The following OSR1 variants were observed in gnomAD, a reference collection of about 807,000 sequenced individuals.
The protein encoded by OSR1 is protein odd-skipped-related 1.
A neutral mutation model predicts 15.7 loss-of-function variants in OSR1; 3 were observed. The observed-to-expected ratio is 0.19, with a 90% CI of 0.09 to 0.50. OSR1 has a LOEUF of 0.50. OSR1 is among the 20% of genes least tolerant of loss of function. OSR1 has a pLI of 0.97. For synonymous variants in OSR1, 166 were observed against 152.7 expected (o/e 1.09, Z -0.64); for missense variants, 271 against 351.1 (o/e 0.77, Z 1.82).
chr2:19,350,819 T>G (rs45461092), downstream of OSR1, among the ~76,000 whole-genome samples: 3,808 of 152,306 alleles, frequency 0.025, 78 homozygotes, highest in South Asian at 0.14. Context: ...CCACCATTCC[T>G]GACAAGGCTT....
In OSR1 at chr2:19,358,440, G is replaced by T. The variant is rs1664996032; in HGVS notation, c.-132C>A. ...CCTGGAGCCCACAGGCGCCCCTGGA[G>T]CTCTAGTGTCCCGACTCCTCTCCTG... On this transcript the variant is annotated 5_prime_UTR_variant, in exon 1 of 3. Transcript: ENST00000272223. The T allele has an allele frequency of 6.6e-6, 1 of 152,444 alleles. No homozygotes were observed. The highest frequency in any genetic ancestry group is 2.1e-4 in the South Asian group (1 of 4,840). 9.4% of individuals were successfully genotyped at this position (152,444 alleles called of 1,614,324 possible).
downstream of OSR1, among the ~76,000 whole-genome samples, chr2:19,346,996 C>T (rs371641419): frequency 6.6e-6 from 1 of 152,192 alleles, no homozygotes; most frequent in South Asian, 2.1e-4. Flanking sequence ...CCCAACCAAA[C>T]ATAACAATTT....
rs1382578260 is a variant in OSR1 at position 19,353,790 on chromosome 2, A to G, written c.16T>C (p.Leu6=). MGSKT[L]PAPVPIHPSL... is the part of the protein sequence containing the mutation. ...GGGTGGATAGGCACCGGCGCCGGCA[A>G]GGTTTTGCTGCCCATTTCGGTAGTT... The change falls in exon 2 of 3, where the codon TTG becomes CTG. Residue 6 remains leucine, a synonymous_variant. Coordinates refer to ENST00000272223, the MANE Select transcript of OSR1 (RefSeq NM_145260.3). The G allele has an allele frequency of 6.2e-7, 1 of 1,610,972 alleles. No homozygotes were observed. Among genetic ancestry groups the G allele is most frequent in the East Asian group, 2.2e-5 (1 of 44,748 alleles).
intron 1 of OSR1, chr2:19,358,060 G>A (rs1007187259): frequency 6.6e-6 from 1 of 152,280 alleles, no homozygotes; most frequent in African/African-American, 2.4e-5. Context: ...TGGGCACCTC[G>A]CCCGTGATTC....
chr2:19,352,265 C>G lies in OSR1; in HGVS notation c.*10G>C, dbSNP rs1275110737. 5.0e-6 allele frequency: 8 copies of G among 1,613,862 alleles called. No individual in the cohort carries two copies. The highest frequency in any genetic ancestry group is 6.8e-6 in the Non-Finnish European group (8 of 1,179,886). ...CTGGGCCTAGGGTCCTTGTGACCCACAGGTTCTATTTAGCATTTGATCTTG... is the reference window on the plus strand; with the variant it reads ...CTGGGCCTAGGGTCCTTGTGACCCAGAGGTTCTATTTAGCATTTGATCTTG... On this transcript the variant is annotated 3_prime_UTR_variant, in exon 3 of 3. Transcript: ENST00000272223.
At chr2:19,350,202 T>G (rs1023989196), downstream of OSR1, among the ~76,000 whole-genome samples, 1 of 152,066 alleles carries the variant, frequency 6.6e-6, no homozygotes, top group Non-Finnish European at 1.5e-5. Context: ...ACCAAACACA[T>G]AGATGCTTGG....
chr2:19,348,676 C>A (rs1487439882), downstream of OSR1, among the ~76,000 whole-genome samples: 3 of 152,084 alleles, frequency 2.0e-5, no homozygotes, highest in Non-Finnish European at 4.4e-5. Context: ...AGGAAGTACG[C>A]GGGAAAACAT....
chr2:19,348,142 A>G (rs577911546), downstream of OSR1, among the ~76,000 whole-genome samples: 1 of 152,134 alleles, frequency 6.6e-6, no homozygotes, highest in South Asian at 2.1e-4. Flanking sequence ...ACGCCGCGGC[A>G]ACTGCTGCCC....
In OSR1 at chr2:19,353,819, G is replaced by A; in HGVS notation, c.-14C>T. The A allele has an allele frequency of 6.2e-7, 1 of 1,601,808 alleles. No homozygotes were observed. The highest frequency in any genetic ancestry group is 8.5e-7 in the Non-Finnish European group (1 of 1,172,634). ...TTTGCTGCCCATTTCGGTAGTTGCA[G>A]TGGCTTCTCAATCCGGATCTGCAAA... On this transcript the variant is annotated 5_prime_UTR_variant, in exon 2 of 3. Transcript: ENST00000272223.
At position 19,353,101 on chromosome 2, in the gene OSR1, A is replaced by T. The variant is rs759254202; in HGVS notation, c.665+40T>A. The T allele has an allele frequency of 1.9e-6, 3 of 1,600,916 alleles. No individual in the cohort carries two copies. In the Admixed American group the frequency reaches 5.0e-5, roughly 27 times the overall value. ...TTAGGGAGAAAGATGGTGAGGCCAG[A>T]GGCAGAGAGCTCTCTCTTGCGCCAC... On this transcript the variant is annotated intron_variant, in intron 2 of 2. Coordinates refer to ENST00000272223, the MANE Select transcript of OSR1 (RefSeq NM_145260.3).
downstream of OSR1, among the ~76,000 whole-genome samples, chr2:19,348,679 G>A (rs1303059730): frequency 6.6e-6 from 1 of 152,146 alleles, no homozygotes; most frequent in Non-Finnish European, 1.5e-5. Context: ...AAGTACGCGG[G>A]AAAACATTTT....
At chr2:19,347,506 G>A (rs1004518310), downstream of OSR1, among the ~76,000 whole-genome samples, 1 of 152,146 alleles carries the variant, frequency 6.6e-6, no homozygotes, top group African/African-American at 2.4e-5. Context: ...TTCTTTCTCT[G>A]CCACTGACAT....
intron 2 of OSR1, 104 bp from the exon 3 acceptor site, chr2:19,352,514 A>G: frequency 7.2e-7 from 1 of 1,383,880 alleles, no homozygotes; most frequent in Non-Finnish European, 1.0e-6. Context: ...CCTCAAAGGA[A>G]AAGTGTATAG....
At chr2:19,356,482 G>A (rs1285868973) in intron 1 of OSR1, 2 of 152,238 alleles carry the variant, frequency 1.3e-5, no homozygotes, top group Non-Finnish European at 2.9e-5. Context: ...TCAAGAATGG[G>A]CCGAAAGCAC....
At position 19,353,692 on chromosome 2, in the gene OSR1, C is replaced by T. The variant is rs1026552672; in HGVS notation, c.114G>A (p.Leu38=). 2 of 1,614,072 alleles carry T rather than the reference C, an allele frequency of 1.2e-6. No homozygotes were observed. Among genetic ancestry groups the T allele is most frequent in the African/African-American group, 1.3e-5 (1 of 74,944 alleles). ...ACGCGCTGAAACCATACAGGTTGGG[C>T]AGATGGTCCGAAGGCACTGTGGGCA... ...NGLPTVPSDH[L]PNLYGFSALH... The change falls in exon 2 of 3, where the codon CTG becomes CTA. Residue 38 remains leucine (L), a synonymous_variant. Transcript: ENST00000272223.
In OSR1 at chr2:19,352,224, A is replaced by G. The variant is rs1160414520; in HGVS notation, c.*51T>C. 7 of 1,597,734 alleles carry G rather than the reference A, an allele frequency of 4.4e-6. No individual in the cohort carries two copies. The highest frequency in any genetic ancestry group is 1.7e-5 in the Admixed American group (1 of 59,398). ...CGCCAGAGTCAGGCTTCTGGTCCCT[A>G]TGGAGGAGAGGGCCGCTGGGCCTAG... On this transcript the variant is annotated 3_prime_UTR_variant, in exon 3 of 3. Transcript: ENST00000272223.
At chr2:19,350,182 A>T (rs1162588862), downstream of OSR1, among the ~76,000 whole-genome samples, 1 of 152,172 alleles carries the variant, frequency 6.6e-6, no homozygotes, top group Non-Finnish European at 1.5e-5. Flanking sequence ...GGGCCAGTCA[A>T]GATTTTGGGA....
downstream of OSR1, among the ~76,000 whole-genome samples, chr2:19,349,197 A>G (rs1443962508): frequency 6.6e-6 from 1 of 152,224 alleles, no homozygotes; most frequent in Non-Finnish European, 1.5e-5. Flanking sequence ...GAGTATGAGC[A>G]GGAAACTGGG....
chr2:19,348,573 G>T (rs1664780253), downstream of OSR1: 1 of 154,312 alleles, frequency 6.5e-6, no homozygotes, highest in South Asian at 2.0e-4. Flanking sequence ...AGGATATCAG[G>T]TCCTCAGGTT....
Sources: allele counts gnomAD v4.1 joint callset (sites outside exome capture counted in the v4.1 genomes callset), GRCh38; gene constraint gnomAD v4.1.1; transcripts MANE v1.5; gene names NCBI Gene and HGNC (gene_info 2026-07-23, HGNC 2026-07-21).